Variants in IL36B observed in about 807,000 individuals in gnomAD.
IL36B encodes interleukin-36 beta.
A neutral mutation model predicts 19.3 loss-of-function variants in IL36B; 23 were observed. The observed-to-expected ratio is 1.19, with a 90% CI of 0.86 to 1.69. IL36B has a LOEUF of 1.69. Among genes scored for constraint, IL36B ranks in the 40% most tolerant of loss-of-function variants. The pLI, the probability that IL36B is intolerant of heterozygous loss-of-function variation, is 0.00. For synonymous variants in IL36B, 59 were observed against 59.7 expected, an observed-to-expected ratio of 0.99 and a Z score of 0.05; for missense variants, 217 against 200.5, an observed-to-expected ratio of 1.08 and a Z score of -0.50.
At chr2:113,036,517 T>C (rs1685169823) in intron 1 of IL36B, among the ~76,000 whole-genome samples, 2 of 152,146 alleles carry the variant, frequency 1.3e-5, no homozygotes. Flanking sequence ...CATCCAACCC[T>C]TGATATGAAG....
chr2:113,032,369 G>A (rs747332549), intron 1 of IL36B, among the ~76,000 whole-genome samples: 3 of 152,114 alleles, frequency 2.0e-5, no homozygotes, highest in Non-Finnish European at 4.4e-5. Flanking sequence ...GGGATCATCT[G>A]CCTCTGGTTT....
At chr2:113,049,037 T>G (rs1286334854) in intron 1 of IL36B, among the ~76,000 whole-genome samples, 2 of 152,232 alleles carry the variant, frequency 1.3e-5, no homozygotes, top group Non-Finnish European at 2.9e-5. Flanking sequence ...ATACTGATGA[T>G]GGCAGTTGTG....
intron 5 of IL36B, among the ~76,000 whole-genome samples, chr2:113,024,726 G>A (rs948635528): frequency 1.3e-5 from 2 of 152,194 alleles, no homozygotes; most frequent in Non-Finnish European, 1.5e-5. Flanking sequence ...CTCATGTTCA[G>A]TGCCCTTGGA....
chr2:113,045,288 T>C (rs977272606), intron 1 of IL36B, among the ~76,000 whole-genome samples: 1 of 152,192 alleles, frequency 6.6e-6, no homozygotes, highest in Non-Finnish European at 1.5e-5. Context: ...TCAAATATGT[T>C]GCTCTACTGC....
intron 1 of IL36B, among the ~76,000 whole-genome samples, chr2:113,046,021 C>T (rs1685342615): frequency 6.6e-6 from 1 of 152,098 alleles, no homozygotes; most frequent in African/African-American, 2.4e-5. Context: ...ACTGTGTTAG[C>T]TGCTAAGTAC....
chr2:113,046,212 T>C (rs1255748116), intron 1 of IL36B, among the ~76,000 whole-genome samples: 4 of 16,244 alleles, frequency 2.5e-4, no homozygotes, highest in Middle Eastern at 0.056. Context: ...TTTTTTCTTT[T>C]TTTTTTTTTT....
At chr2:113,033,789 G>T (rs1328636311) in intron 1 of IL36B, among the ~76,000 whole-genome samples, 6 of 152,202 alleles carry the variant, frequency 3.9e-5, no homozygotes, top group Non-Finnish European at 5.9e-5. Flanking sequence ...GTGTCCAGGA[G>T]AGGAGAGGAG....
rs1449424724 is a variant in IL36B at position 113,043,088 on chromosome 2, C to A, written c.-58+9729G>T. Among the ~76,000 whole-genome samples, 3 of 151,998 alleles carry A rather than the reference C, an allele frequency of 2.0e-5. No individual in the cohort carries two copies. In the East Asian group the frequency reaches 5.8e-4, roughly 29 times the overall value. On this transcript the variant is annotated intron_variant, in intron 1 of 5. Transcript: ENST00000259213. The stretch of plus-strand genomic sequence containing the variant: ...GGTCATCTGTATATATTATTTGATA[C>A]AAATATCTGTTCTAAGTTTTTGCCC...
chr2:113,050,975 C>T (rs1332176320), intron 1 of IL36B, among the ~76,000 whole-genome samples: 3 of 151,656 alleles, frequency 2.0e-5, no homozygotes, highest in Non-Finnish European at 2.9e-5. Context: ...ATCCTTGAAT[C>T]GGAGGCCGTG....
chr2:113,043,600 C>T (rs896819181), intron 1 of IL36B, among the ~76,000 whole-genome samples: 4 of 152,118 alleles, frequency 2.6e-5, no homozygotes, highest in Admixed American at 1.3e-4. Flanking sequence ...CTTGCTCTGT[C>T]GCCCAGGCTG....
chr2:113,039,130 C>T (rs76075666), intron 1 of IL36B, among the ~76,000 whole-genome samples: 1,659 of 152,282 alleles, frequency 0.011, 32 homozygotes, highest in African/African-American at 0.038. Context: ...TCCAGGTTGG[C>T]CCCTGGATAT....
chr2:113,050,866 C>T (rs1685430263), intron 1 of IL36B, among the ~76,000 whole-genome samples: 1 of 152,204 alleles, frequency 6.6e-6, no homozygotes, highest in Non-Finnish European at 1.5e-5. Flanking sequence ...GCTTTAGATG[C>T]TCGCTACTCG....
intron 1 of IL36B, among the ~76,000 whole-genome samples, chr2:113,035,988 G>C (rs1015476750): frequency 6.6e-6 from 1 of 152,168 alleles, no homozygotes; most frequent in Non-Finnish European, 1.5e-5. Flanking sequence ...TGTCGCCCAG[G>C]CTGGAATGCA....
chr2:113,029,130 A>C (rs189984235), intron 3 of IL36B, 52 bp from the exon 4 acceptor site: 82 of 1,562,720 alleles, frequency 5.2e-5, no homozygotes, highest in Non-Finnish European at 5.9e-5. Context: ...CTGGTCTGAC[A>C]CTCAGTTACT....
Position 113,022,586 on chromosome 2 carries a change from A to G in IL36B, c.*88T>C. On this transcript the variant is annotated 3_prime_UTR_variant, in exon 6 of 6. Coordinates refer to ENST00000259213, the MANE Select transcript of IL36B (RefSeq NM_014438.5). ...CTCCAGAACCCAAGAAAAGAGAAAA[A>G]TTTCTGCAACTTATTCCATTTGTAG... is the stretch of plus-strand genomic sequence containing the variant. 1.2e-6 allele frequency: 1 copy of G among 863,410 alleles called. No homozygotes were observed. Among genetic ancestry groups the G allele is most frequent in the South Asian group, 1.5e-5 (1 of 67,250 alleles). 53.5% of individuals were successfully genotyped at this position (863,410 alleles called of 1,614,324 possible).
At position 113,022,712 on chromosome 2, in the gene IL36B, A is replaced by G. The variant is rs1003592949; in HGVS notation, c.457T>C (p.Ser153Pro). ...GGCATTCCTATGTTGGTCCGCATGG[A>G]TGAGAAATCTTTGTCCTTCTTCCTG... The change falls in exon 6 of 6, where the codon TCC (serine) becomes CCC (proline). Residue 153 changes from serine to proline, a missense_variant. By Grantham distance (74) the Ser-to-Pro change is moderately conservative. Coordinates refer to ENST00000259213, the MANE Select transcript of IL36B (RefSeq NM_014438.5). 6.8e-6 allele frequency: 11 copies of G among 1,612,870 alleles called. No individual in the cohort carries two copies. In the African/African-American group the frequency reaches 1.1e-4, roughly 16 times the overall value.
chr2:113,025,948 A>C (rs889345152), intron 5 of IL36B, among the ~76,000 whole-genome samples: 1 of 152,164 alleles, frequency 6.6e-6, no homozygotes, highest in African/African-American at 2.4e-5. Context: ...TGAAACAGGG[A>C]AGTGAGAGAA....
rs538671124 is a variant in IL36B at position 113,052,493 on chromosome 2, T to G, written c.-58+324A>C. Among the ~76,000 whole-genome samples the G allele has an allele frequency of 2.0e-5, 3 of 152,340 alleles. No individual in the cohort carries two copies. The East Asian group carries it at 5.8e-4, about 29-fold the overall frequency. On this transcript the variant is annotated intron_variant, in intron 1 of 5. Coordinates refer to ENST00000259213, the MANE Select transcript of IL36B (RefSeq NM_014438.5). Reference sequence around the variant, plus strand: ...TAGCCTCTCTAATTTTCGTTTTGTCTTATCAGTTAAATGGGAATAAGCATA... The same window carrying G: ...TAGCCTCTCTAATTTTCGTTTTGTCGTATCAGTTAAATGGGAATAAGCATA...
chr2:113,052,713 G>A (rs1160512163), intron 1 of IL36B, 104 bp downstream of exon 1: 1 of 152,226 alleles, frequency 6.6e-6, no homozygotes, highest in African/African-American at 2.4e-5. Context: ...CTCTGCGTTG[G>A]GAAAGCCATG....
Sources: allele counts gnomAD v4.1 joint callset (sites outside exome capture counted in the v4.1 genomes callset), GRCh38; gene constraint gnomAD v4.1.1; transcripts MANE v1.5; gene names NCBI Gene and HGNC (gene_info 2026-07-23, HGNC 2026-07-21).